The following USP34 variants were observed in gnomAD, a reference collection of about 807,000 sequenced individuals.
USP34 encodes ubiquitin specific peptidase 34.
Under a neutral mutation model 460.3 loss-of-function variants are expected in USP34, and 70 were observed. That is an observed-to-expected ratio of 0.15 (90% CI 0.13 to 0.19). The LOEUF (loss-of-function observed/expected upper bound fraction) is 0.19, where lower values mean the gene tolerates loss of function less well. USP34 is among the 10% of genes least tolerant of loss of function. The pLI, the probability that USP34 is intolerant of heterozygous loss-of-function variation, is 1.00. For missense variants in USP34, 3,985 were observed against 4,236.2 expected (o/e 0.94, Z 1.65); for synonymous variants, 1,647 against 1,405.3 (o/e 1.17, Z -3.85).
chr2:61,279,826 A>C (rs1572896300), intron 39 of USP34, among the ~76,000 whole-genome samples: 1 of 152,254 alleles, frequency 6.6e-6, no homozygotes, highest in Non-Finnish European at 1.5e-5. Flanking sequence ...GTCCAGTATA[A>C]GAAAATTAGA....
intron 1 of USP34, among the ~76,000 whole-genome samples, chr2:61,464,323 A>C (rs544061708): frequency 7.2e-5 from 11 of 152,178 alleles, no homozygotes; most frequent in Non-Finnish European, 1.0e-4. Context: ...CGTCTCAAAA[A>C]CACCACCACC....
chr2:61,403,660 C>T (rs573867017), intron 3 of USP34, among the ~76,000 whole-genome samples: 1 of 152,122 alleles, frequency 6.6e-6, no homozygotes, highest in African/African-American at 2.4e-5. Context: ...CTCTTTCTCC[C>T]CCACCCAGAG....
Position 61,278,422 on chromosome 2 carries a change from C to T in USP34, c.5278G>A (p.Ala1760Thr). ...CAGTCAGCCAAATGTCTTGCCAAGGCATCTAAGTCGAGGAGCGTTGTCTTA... is the reference window on the plus strand; with the variant it reads ...CAGTCAGCCAAATGTCTTGCCAAGGTATCTAAGTCGAGGAGCGTTGTCTTA... ...ASQTTLLDLDALARHLADCIR... is the reference protein window; with the variant it reads ...ASQTTLLDLDTLARHLADCIR... Residue 1760 changes from alanine to threonine, a missense_variant, in exon 40 of 80, where the codon GCC becomes ACC. Coordinates refer to ENST00000398571, the MANE Select transcript of USP34 (RefSeq NM_014709.4). 6.3e-7 allele frequency: 1 copy of T among 1,596,282 alleles called. No homozygotes were observed.
At chr2:61,192,802 C>A in intron 76 of USP34, 99 bp downstream of exon 76, 1 of 897,728 alleles carries the variant, frequency 1.1e-6, no homozygotes, top group South Asian at 1.8e-5. Flanking sequence ...CTAAAATGTC[C>A]CCACTTTTCA....
chr2:61,314,038 G>A (rs1690673153), intron 25 of USP34, among the ~76,000 whole-genome samples: 2 of 151,448 alleles, frequency 1.3e-5, no homozygotes, highest in Non-Finnish European at 2.9e-5. Context: ...ATATTAATTT[G>A]CTTTATTTCT....
intron 67 of USP34, among the ~76,000 whole-genome samples, chr2:61,217,770 C>T (rs1448461245): frequency 2.1e-4 from 32 of 152,042 alleles, no homozygotes; most frequent in Admixed American, 1.7e-3. Context: ...CTGACCAATA[C>T]GGTGAAACCC....
intron 5 of USP34, among the ~76,000 whole-genome samples, chr2:61,392,131 T>TG (rs1693366666): frequency 6.6e-6 from 1 of 152,090 alleles, no homozygotes; most frequent in Non-Finnish European, 1.5e-5. Flanking sequence ...AAAGGATAAC[T>TG]TCACAGGTTG....
rs779879092 is a variant in USP34 at position 61,190,635 on chromosome 2, G to C, written c.9612C>G (p.Ile3204Met). The change falls in exon 77 of 80, where the codon ATC becomes ATG. Residue 3204 changes from isoleucine to methionine, a missense_variant. Coordinates refer to ENST00000398571, the MANE Select transcript of USP34 (RefSeq NM_014709.4). ...QTQSAMSKNC[I>M]KLLCEDPVFA... ...AAACAGGATCTTCACACAAAAGCTT[G>C]ATGCAGTTTTTTGACATAGCAGACT... 1.9e-6 allele frequency: 3 copies of C among 1,613,676 alleles called. No individual in the cohort carries two copies. The highest frequency in any genetic ancestry group is 2.7e-5 in the African/African-American group (2 of 74,894).
At chr2:61,319,748 G>C (rs751194320) in intron 21 of USP34, among the ~76,000 whole-genome samples, 4 of 152,128 alleles carry the variant, frequency 2.6e-5, no homozygotes, top group East Asian at 1.9e-4. Context: ...AGGAGGCTGA[G>C]ACAGGAGAAT....
At chr2:61,208,866 A>G (rs376683800) in intron 70 of USP34, 33 bp downstream of exon 70, 3 of 1,457,128 alleles carry the variant, frequency 2.1e-6, no homozygotes, top group Non-Finnish European at 2.8e-6. Context: ...AAAATGAGAT[A>G]ATATCCACAG....
Position 61,281,147 on chromosome 2 carries a change from C to G in USP34, c.5094G>C (p.Leu1698Phe), listed in dbSNP as rs560445051. 8.1e-6 allele frequency: 13 copies of G among 1,613,792 alleles called. No homozygotes were observed. The highest frequency in any genetic ancestry group is 8.5e-7 in the Non-Finnish European group (1 of 1,179,868). ...GDSINRSFLL[L>F]AASTLLKFLP... ...GAAATTTCAATAATGTTGAGGCAGCCAATAGCAGAAAAGAACGATTGATTG... is the reference window on the plus strand; with the variant it reads ...GAAATTTCAATAATGTTGAGGCAGCGAATAGCAGAAAAGAACGATTGATTG... Residue 1698 changes from leucine (L) to phenylalanine (F), a missense_variant, in exon 38 of 80, where the codon TTG becomes TTC. Transcript: ENST00000398571.
In USP34 at chr2:61,383,315, G is replaced by T; in HGVS notation, c.775C>A (p.Pro259Thr). The T allele has an allele frequency of 6.2e-7, 1 of 1,604,206 alleles. No homozygotes were observed. Among genetic ancestry groups the T allele is most frequent in the Non-Finnish European group, 8.5e-7 (1 of 1,174,216 alleles). Reference sequence around the variant, plus strand: ...GGTATAATGTGCTGCATGACAGCGGGAATATGTAGCCATATTCTAATCTAT... The same window carrying T: ...GGTATAATGTGCTGCATGACAGCGGTAATATGTAGCCATATTCTAATCTAT... ...VSNIRIWLHIPAVMQHIIPFR... is the reference protein window; with the variant it reads ...VSNIRIWLHITAVMQHIIPFR... Residue 259 changes from proline to threonine, a missense_variant, in exon 6 of 80, where the codon CCC (proline) becomes ACC (threonine). Transcript: ENST00000398571.
intron 8 of USP34, among the ~76,000 whole-genome samples, chr2:61,377,832 G>A (rs1430708010): frequency 6.6e-6 from 1 of 152,158 alleles, no homozygotes; most frequent in East Asian, 1.9e-4. Context: ...AGTATAAACA[G>A]TATGCTTTCA....
At chr2:61,422,508 C>T (rs188018728) in intron 1 of USP34, among the ~76,000 whole-genome samples, 1 of 152,192 alleles carries the variant, frequency 6.6e-6, no homozygotes, top group South Asian at 2.1e-4. Flanking sequence ...TCCAAACACA[C>T]AGCTATCATC....
intron 41 of USP34, among the ~76,000 whole-genome samples, chr2:61,269,092 C>A (rs987757864): frequency 6.6e-6 from 1 of 152,100 alleles, no homozygotes; most frequent in Non-Finnish European, 1.5e-5. Flanking sequence ...AAATACATTA[C>A]AATTACATTC....
intron 78 of USP34, 120 bp from the exon 79 acceptor site, chr2:61,189,189 G>T: frequency 9.7e-7 from 1 of 1,030,382 alleles, no homozygotes; most frequent in Non-Finnish European, 1.4e-6. Context: ...GAATACCCTG[G>T]TTTCTCTGGG....
At chr2:61,268,289 C>T (rs765204807) in intron 41 of USP34, among the ~76,000 whole-genome samples, 3 of 151,796 alleles carry the variant, frequency 2.0e-5, no homozygotes, top group African/African-American at 7.3e-5. Flanking sequence ...CATTTCACCA[C>T]ATCTAATGGT....
rs1399263943 is a variant in USP34 at position 61,348,423 on chromosome 2, C to A, written c.1732G>T (p.Gly578Cys). 1 of 1,613,794 alleles carries A rather than the reference C, an allele frequency of 6.2e-7. No homozygotes were observed. The highest frequency in any genetic ancestry group is 1.7e-5 in the Admixed American group (1 of 60,028). ...CTATGCCCACTACTGCTACCAGGAC[C>A]ACTGCTTCCATCTTCACCACTGTTG... is the stretch of plus-strand genomic sequence containing the variant. ...TANSGEDGSS[G>C]PGSSSGHSDG... Residue 578 changes from glycine (G) to cysteine (C), a missense_variant, in exon 15 of 80, where the codon GGT becomes TGT. By Grantham distance (159) the Gly-to-Cys change is radical. Coordinates refer to ENST00000398571, the MANE Select transcript of USP34 (RefSeq NM_014709.4).
intron 42 of USP34, 182 bp from the exon 43 acceptor site, chr2:61,265,739 A>G (rs912379003): frequency 2.7e-6 from 2 of 733,198 alleles, no homozygotes; most frequent in African/African-American, 1.8e-5. Context: ...TAAAAATTCA[A>G]GACTTTTAAA....
Sources: gnomAD v4.1 joint callset for allele counts (sites outside exome capture counted in the v4.1 genomes callset) on GRCh38, gnomAD v4.1.1 for gene constraint, MANE v1.5 for transcripts, NCBI Gene and HGNC (gene_info 2026-07-23, HGNC 2026-07-21) for gene names.